The following GXYLT2 variants were observed in gnomAD, a reference collection of about 807,000 sequenced individuals.
The protein encoded by GXYLT2 is glycosyltransferase 8 domain containing 4.
Under a neutral mutation model 45.8 loss-of-function variants are expected in GXYLT2, and 53 were observed. The ratio of observed to expected loss-of-function variants is 1.16; its 90% CI spans 0.93 to 1.46. The LOEUF is 1.46. Ranked by LOEUF, GXYLT2 falls within the 40% of genes most tolerant of loss-of-function variation. GXYLT2 has a pLI of 0.00. For synonymous variants in GXYLT2, 219 were observed against 214.2 expected (o/e 1.02, Z -0.19); for missense variants, 551 against 544.4 (o/e 1.01, Z -0.12).
At chr3:72,956,788 G>T (rs913794223) in intron 4 of GXYLT2, among the ~76,000 whole-genome samples, 1 of 151,930 alleles carries the variant, frequency 6.6e-6, no homozygotes, top group Non-Finnish European at 1.5e-5. Flanking sequence ...TGCCTGGGAG[G>T]CTGAGGCACG....
chr3:72,957,331 A>G lies in GXYLT2; in HGVS notation c.955A>G (p.Ile319Val), dbSNP rs199838386. 382 of 1,610,772 alleles carry G rather than the reference A, an allele frequency of 2.4e-4. No individual in the cohort carries two copies. Among genetic ancestry groups the G allele is most frequent in the Non-Finnish European group, 3.1e-4 (370 of 1,178,338 alleles). ...ITWGDQDLLN[I>V]IFYFNPECLY... ...GTGGGGAGACCAGGATTTATTAAATATTATTTTTTATTTCAACCCAGGTAG... is the reference window on the plus strand; with the variant it reads ...GTGGGGAGACCAGGATTTATTAAATGTTATTTTTTATTTCAACCCAGGTAG... Residue 319 changes from isoleucine to valine, a missense_variant, in exon 5 of 7, where the codon ATT (isoleucine) becomes GTT (valine). Physicochemically the swap from Ile to Val is conservative, Grantham distance 29. Transcript: ENST00000389617.
chr3:72,954,843 G>A (rs562014212), intron 3 of GXYLT2, among the ~76,000 whole-genome samples: 1 of 152,050 alleles, frequency 6.6e-6, no homozygotes, highest in African/African-American at 2.4e-5. Context: ...ATATAGTCCA[G>A]GGTCCCAGAA....
intron 3 of GXYLT2, among the ~76,000 whole-genome samples, chr3:72,935,579 G>A (rs1299730161): frequency 1.3e-5 from 2 of 152,084 alleles, no homozygotes; most frequent in African/African-American, 4.8e-5. Flanking sequence ...CAGAACAACA[G>A]GTGAAATAGA....
chr3:72,972,872 G>C (rs1461012596), intron 6 of GXYLT2, among the ~76,000 whole-genome samples: 2 of 151,938 alleles, frequency 1.3e-5, no homozygotes, highest in Non-Finnish European at 2.9e-5. Context: ...AGGAGGCCAA[G>C]GCTACAGTGA....
At chr3:72,951,559 C>G (rs866582696) in intron 3 of GXYLT2, among the ~76,000 whole-genome samples, 1 of 152,090 alleles carries the variant, frequency 6.6e-6, no homozygotes, top group Non-Finnish European at 1.5e-5. Context: ...TCTGAAGTCA[C>G]GAGGGTATTA....
chr3:72,957,261 G>A lies in GXYLT2; in HGVS notation c.885G>A (p.Glu295=). The change falls in exon 5 of 7, where the codon GAG becomes GAA. Residue 295 remains glutamate, a synonymous_variant. Coordinates refer to ENST00000389617, the MANE Select transcript of GXYLT2 (RefSeq NM_001080393.2). ...NSMIPTGLAW[E]DMLYPLYQKY... ...TGATTCCAACAGGCCTGGCTTGGGA[G>A]GACATGTTGTACCCTCTGTACCAGA... The A allele has an allele frequency of 6.2e-7, 1 of 1,613,240 alleles. No homozygotes were observed. Among genetic ancestry groups the A allele is most frequent in the Admixed American group, 1.7e-5 (1 of 59,940 alleles).
At chr3:72,934,192 C>G (rs577041685) in intron 3 of GXYLT2, among the ~76,000 whole-genome samples, 1 of 150,362 alleles carries the variant, frequency 6.7e-6, no homozygotes, top group African/African-American at 2.4e-5. Context: ...TCAAGTGATC[C>G]TTCCATCTCA....
At chr3:72,946,432 G>A (rs1275028588) in intron 3 of GXYLT2, among the ~76,000 whole-genome samples, 1 of 152,050 alleles carries the variant, frequency 6.6e-6, no homozygotes, top group African/African-American at 2.4e-5. Context: ...TAGTTCAGGC[G>A]GCAAGAACAC....
intron 1 of GXYLT2, among the ~76,000 whole-genome samples, chr3:72,895,534 A>G (rs1709272564): frequency 6.6e-6 from 1 of 152,208 alleles, no homozygotes; most frequent in Non-Finnish European, 1.5e-5. Flanking sequence ...GAGTCTTTGG[A>G]AGAGAATTTG....
chr3:72,960,467 G>C (rs1710746894), intron 5 of GXYLT2, among the ~76,000 whole-genome samples: 1 of 152,234 alleles, frequency 6.6e-6, no homozygotes, highest in South Asian at 2.1e-4. Context: ...GCTGAAACCA[G>C]AGGAGTTTAA....
chr3:72,941,022 A>C (rs1209804892), intron 3 of GXYLT2, among the ~76,000 whole-genome samples: 1 of 152,202 alleles, frequency 6.6e-6, no homozygotes, highest in African/African-American at 2.4e-5. Context: ...GAAAAAAGAC[A>C]AAGAGCATCA....
At chr3:72,922,460 A>T in intron 3 of GXYLT2, 125 bp downstream of exon 3, 1 of 913,958 alleles carries the variant, frequency 1.1e-6, no homozygotes, top group Non-Finnish European at 1.6e-6. Context: ...TCTGGAGCTG[A>T]TGCTCTAAGT....
intron 3 of GXYLT2, among the ~76,000 whole-genome samples, chr3:72,933,189 A>G (rs376160171): frequency 6.6e-6 from 1 of 152,192 alleles, no homozygotes; most frequent in Non-Finnish European, 1.5e-5. Context: ...AAAGGACTTT[A>G]TCTTGATTAA....
chr3:72,971,746 C>T lies in GXYLT2; in HGVS notation c.1150-3231C>T, dbSNP rs150644954. Among the ~76,000 whole-genome samples, 584 of 152,008 alleles carry T rather than the reference C, an allele frequency of 3.8e-3. 1 individual carries two copies. Among genetic ancestry groups the T allele is most frequent in the African/African-American group, 0.013 (529 of 41,476 alleles). ...GGTGGATCACTTGAGGTCGGGAGTT[C>T]GAGAACAGCGTGGCCAAAATGGCGA... On this transcript the variant is annotated intron_variant, in intron 6 of 6. Coordinates refer to ENST00000389617, the MANE Select transcript of GXYLT2 (RefSeq NM_001080393.2).
intron 3 of GXYLT2, among the ~76,000 whole-genome samples, chr3:72,951,796 TTTTTG>T (rs896620692): frequency 4.0e-4 from 61 of 152,232 alleles, no homozygotes; most frequent in African/African-American, 1.3e-3. Flanking sequence ...AAATTCTGTT[TTTTTG>T]TTTTGTTTTG....
intron 3 of GXYLT2, among the ~76,000 whole-genome samples, chr3:72,944,155 A>C (rs961283673): frequency 6.6e-6 from 1 of 150,452 alleles, no homozygotes; most frequent in African/African-American, 2.5e-5. Flanking sequence ...TAGTGTGATC[A>C]TAGTTCACTG....
At chr3:72,927,501 G>A (rs1231495068) in intron 3 of GXYLT2, among the ~76,000 whole-genome samples, 1 of 152,100 alleles carries the variant, frequency 6.6e-6, no homozygotes, top group Non-Finnish European at 1.5e-5. Context: ...TAGGCTAATG[G>A]AAAAAGGAAG....
intron 2 of GXYLT2, among the ~76,000 whole-genome samples, chr3:72,914,456 C>A (rs1465322812): frequency 6.6e-6 from 1 of 151,814 alleles, no homozygotes; most frequent in African/African-American, 2.4e-5. Flanking sequence ...AAGGAGGCTA[C>A]CAATCCATTC....
chr3:72,968,583 G>A (rs1359506369), intron 6 of GXYLT2, among the ~76,000 whole-genome samples: 1 of 152,222 alleles, frequency 6.6e-6, no homozygotes, highest in African/African-American at 2.4e-5. Context: ...TAAGAGTCAA[G>A]TGCATACAGC....
Sources: allele counts gnomAD v4.1 joint callset (sites outside exome capture counted in the v4.1 genomes callset), GRCh38; gene constraint gnomAD v4.1.1; transcripts MANE v1.5; gene names NCBI Gene and HGNC (gene_info 2026-07-23, HGNC 2026-07-21).